SPON1: variants seen among roughly 807,000 people sequenced by gnomAD.
SPON1 encodes spondin 1, also known as spondin-1.
Under a neutral mutation model 111.7 loss-of-function variants are expected in SPON1, and 52 were observed. That is an observed-to-expected ratio of 0.47 (90% CI 0.37 to 0.59). The LOEUF (loss-of-function observed/expected upper bound fraction) is 0.59, where lower values mean the gene tolerates loss of function less well. Among genes scored for constraint, SPON1 ranks in the 20% least tolerant of loss-of-function variants. SPON1 has a pLI of 0.00. For synonymous variants in SPON1, 410 were observed against 395.8 expected (o/e 1.04, Z -0.43); for missense variants, 957 against 1,068.5 (o/e 0.90, Z 1.46).
chr11:14,155,413 G>C (rs1847833406), intron 6 of SPON1, among the ~76,000 whole-genome samples: 1 of 152,218 alleles, frequency 6.6e-6, no homozygotes. Flanking sequence ...CATGGCGGCA[G>C]GTGAAGGGGA....
chr11:14,000,943 C>T (rs1036132737), intron 2 of SPON1, among the ~76,000 whole-genome samples: 15 of 152,094 alleles, frequency 9.9e-5, no homozygotes, highest in African/African-American at 2.7e-4. Context: ...AATACTAAGT[C>T]GAAGAGTTGT....
rs1554925656 is a variant in SPON1, at chr11:14,113,576, T to A, written c.677-21844T>A. On this transcript the variant is annotated intron_variant, in intron 5 of 15. Coordinates refer to ENST00000576479, the MANE Select transcript of SPON1 (RefSeq NM_006108.4). ...TCCTATGTACTTTTTAAATTTTTTT[T>A]TTTTTTTTTTTTTTTTTTTTTTTTT... Among the ~76,000 whole-genome samples the A allele has an allele frequency of 1.1e-3, 7 of 6,420 alleles. 1 individual carries two copies. Among genetic ancestry groups the A allele is most frequent in the African/African-American group, 5.4e-3 (7 of 1,290 alleles). The allele number at this position is 6,420 out of a possible 152,430, so 4.2% of individuals were successfully genotyped here.
At position 14,089,897 on chromosome 11, in the gene SPON1, C is replaced by T. The variant is rs551650064; in HGVS notation, c.676+9876C>T. Among the ~76,000 whole-genome samples, 7 of 152,296 alleles carry T rather than the reference C, an allele frequency of 4.6e-5. No homozygotes were observed. In the South Asian group the frequency reaches 6.2e-4, roughly 14 times the overall value. On this transcript the variant is annotated intron_variant, in intron 5 of 15. Transcript: ENST00000576479. ...CAGTCTGGCCACAGCTGTTTTGCCA[C>T]GCTGTGTTGAGTTCCGCCCAGTCTG...
At chr11:14,155,459 G>T (rs1554930292) in intron 6 of SPON1, among the ~76,000 whole-genome samples, 1 of 151,930 alleles carries the variant, frequency 6.6e-6, no homozygotes. Context: ...GCAGGAGGAA[G>T]GCAGGGGAGG....
At chr11:14,041,341 T>G (rs1848629734) in intron 2 of SPON1, among the ~76,000 whole-genome samples, 180 bp from the exon 3 acceptor site, 1 of 152,176 alleles carries the variant, frequency 6.6e-6, no homozygotes, top group African/African-American at 2.4e-5. Context: ...ACAATGTTAA[T>G]TCATTCAACA....
At chr11:14,095,781 A>T (rs1554923838) in intron 5 of SPON1, among the ~76,000 whole-genome samples, 1 of 152,254 alleles carries the variant, frequency 6.6e-6, no homozygotes, top group African/African-American at 2.4e-5. Flanking sequence ...TCAAATGTGT[A>T]TCACATCTGG....
chr11:14,063,234 C>T (rs1423666616), intron 3 of SPON1, among the ~76,000 whole-genome samples: 3 of 152,176 alleles, frequency 2.0e-5, no homozygotes, highest in African/African-American at 7.2e-5. Flanking sequence ...TTGTTTCACA[C>T]AGACGCTCCA....
At chr11:13,999,221 T>C (rs1554912176) in intron 2 of SPON1, among the ~76,000 whole-genome samples, 1 of 152,192 alleles carries the variant, frequency 6.6e-6, no homozygotes, top group African/African-American at 2.4e-5. Context: ...CCCTCTTATT[T>C]CATTTATGAG....
intron 7 of SPON1, among the ~76,000 whole-genome samples, chr11:14,246,807 T>A (rs545845509): frequency 6.6e-6 from 1 of 152,148 alleles, no homozygotes; most frequent in East Asian, 1.9e-4. Flanking sequence ...GTGACATGTC[T>A]ATGAAGGAAA....
chr11:14,066,974 A>G (rs1591366338), intron 3 of SPON1, among the ~76,000 whole-genome samples: 1 of 152,076 alleles, frequency 6.6e-6, no homozygotes, highest in Non-Finnish European at 1.5e-5. Flanking sequence ...GGAATTCGAG[A>G]CCAGCCTGGA....
At chr11:14,162,818 C>T (rs1383705680) in intron 6 of SPON1, among the ~76,000 whole-genome samples, 1 of 152,318 alleles carries the variant, frequency 6.6e-6, no homozygotes, top group East Asian at 1.9e-4. Context: ...CAGAAGCGTG[C>T]TGCCACAGCG....
At chr11:14,236,299 T>C (rs1229844605) in intron 6 of SPON1, among the ~76,000 whole-genome samples, 14 of 152,002 alleles carry the variant, frequency 9.2e-5, no homozygotes, top group Admixed American at 8.5e-4. Flanking sequence ...TGACAGGGTG[T>C]GCCGATGGAT....
At chr11:14,051,991 A>G (rs145955321) in intron 3 of SPON1, among the ~76,000 whole-genome samples, 64 of 152,024 alleles carry the variant, frequency 4.2e-4, no homozygotes, top group Non-Finnish European at 7.5e-4. Context: ...CTTCTGCCTG[A>G]CTCCAAAGCC....
Position 14,259,726 on chromosome 11 carries a change from G to T in SPON1, c.1831+25G>T, listed in dbSNP as rs782470529. 8 of 1,560,074 alleles carry T rather than the reference G, an allele frequency of 5.1e-6. No homozygotes were observed. In the African/African-American group the frequency reaches 8.1e-5, roughly 16 times the overall value. ...CGTGAGTGAGAGCGGGGGTGGACTTGGAGGAGGCCACTGGGGACAGGCGTG... is the reference window on the plus strand; with the variant it reads ...CGTGAGTGAGAGCGGGGGTGGACTTTGAGGAGGCCACTGGGGACAGGCGTG... On this transcript the variant is annotated intron_variant, in intron 13 of 15. Transcript: ENST00000576479. The surrounding 1 kb of genome is among the most constrained non-coding windows in gnomAD (Gnocchi z 5.0).
intron 5 of SPON1, among the ~76,000 whole-genome samples, chr11:14,107,590 G>GAAAAAAAAAAAAAAAAAAA (rs3047369): frequency 8.4e-6 from 1 of 119,266 alleles, no homozygotes. Context: ...AGATCCTCAG[G>GAAAAAAAAAAAAAAAAAAA]AAAAAAAAAA....
intron 6 of SPON1, among the ~76,000 whole-genome samples, chr11:14,141,702 A>G (rs1847658313): frequency 6.6e-6 from 1 of 152,092 alleles, no homozygotes; most frequent in African/African-American, 2.4e-5. Flanking sequence ...AGGTTTGAGA[A>G]TTTTCTTTTC....
intron 3 of SPON1, among the ~76,000 whole-genome samples, chr11:14,066,777 G>T (rs1001726080): frequency 1.3e-5 from 2 of 152,112 alleles, no homozygotes; most frequent in Non-Finnish European, 2.9e-5. Flanking sequence ...GGACCCTCTG[G>T]TTCCCAAATC....
intron 6 of SPON1, among the ~76,000 whole-genome samples, chr11:14,145,688 A>C (rs1303177793): frequency 6.6e-6 from 1 of 152,226 alleles, no homozygotes; most frequent in African/African-American, 2.4e-5. Context: ...ATATCTAGGA[A>C]TATGTCTTTC....
At chr11:14,233,034 C>G (rs907367024) in intron 6 of SPON1, among the ~76,000 whole-genome samples, 3 of 152,014 alleles carry the variant, frequency 2.0e-5, no homozygotes, top group Non-Finnish European at 4.4e-5. Context: ...TGCTCTCCCC[C>G]ATCCTCTCCT....
Sources: gnomAD v4.1 joint callset for allele counts (sites outside exome capture counted in the v4.1 genomes callset) on GRCh38, gnomAD v4.1.1 for gene constraint, Gnocchi (gnomAD v3.1) non-coding constraint, MANE v1.5 for transcripts, NCBI Gene and HGNC (gene_info 2026-07-23, HGNC 2026-07-21) for gene names.